Variants in RAB7B observed in about 807,000 individuals in gnomAD.
The protein encoded by RAB7B is ras-related protein Rab-7b.
chr1:205,992,865 A>G (rs1033900487), intron 3 of RAB7B, among the ~76,000 whole-genome samples, 170 bp from the exon 4 acceptor site: 1 of 151,978 alleles, frequency 6.6e-6, no homozygotes, highest in Non-Finnish European at 1.5e-5. Flanking sequence ...ACCCACATAC[A>G]CTCCAGCACC....
At chr1:205,998,527 C>T (rs1660843611) in intron 1 of RAB7B, among the ~76,000 whole-genome samples, 1 of 152,204 alleles carries the variant, frequency 6.6e-6, no homozygotes, top group Non-Finnish European at 1.5e-5. Context: ...CAGAGAAAGG[C>T]TGCCAAAGTG....
intron 1 of RAB7B, among the ~76,000 whole-genome samples, chr1:206,002,003 T>C (rs1660900173): frequency 6.6e-6 from 1 of 152,138 alleles, no homozygotes; most frequent in Non-Finnish European, 1.5e-5. Flanking sequence ...CAGGTAAGGA[T>C]TCTGAAGCAG....
chr1:205,983,147 A>G (rs1660525678), intron 5 of RAB7B, among the ~76,000 whole-genome samples: 2 of 152,122 alleles, frequency 1.3e-5, no homozygotes, highest in East Asian at 1.9e-4. Flanking sequence ...TGGCTTCATC[A>G]CTAACTATGT....
chr1:205,997,995 C>T (rs1481661015), intron 1 of RAB7B, among the ~76,000 whole-genome samples: 1 of 152,180 alleles, frequency 6.6e-6, no homozygotes, highest in Non-Finnish European at 1.5e-5. Flanking sequence ...CTCCAAGAAG[C>T]TGAGTAATCA....
At chr1:205,982,454 C>A (rs1660513023) in intron 5 of RAB7B, among the ~76,000 whole-genome samples, 1 of 152,222 alleles carries the variant, frequency 6.6e-6, no homozygotes, top group Non-Finnish European at 1.5e-5. Context: ...ATCCTCTCGG[C>A]AGCACGAAGC....
chr1:205,996,243 C>G (rs1480817277), intron 1 of RAB7B, among the ~76,000 whole-genome samples: 3 of 151,380 alleles, frequency 2.0e-5, no homozygotes, highest in African/African-American at 7.3e-5. Context: ...TTGTTTCACC[C>G]ATATATGCAC....
chr1:205,997,666 C>A (rs1218446598), intron 1 of RAB7B, among the ~76,000 whole-genome samples: 1 of 152,180 alleles, frequency 6.6e-6, no homozygotes, highest in Non-Finnish European at 1.5e-5. Context: ...GTAATGGATG[C>A]TGCTGTCCAC....
At chr1:205,983,482 C>G (rs1660531550) in intron 5 of RAB7B, among the ~76,000 whole-genome samples, 2 of 152,334 alleles carry the variant, frequency 1.3e-5, no homozygotes, top group East Asian at 3.9e-4. Context: ...TTATGGATGT[C>G]TCACTCTACT....
intron 5 of RAB7B, among the ~76,000 whole-genome samples, chr1:205,982,168 G>A (rs1037867675): frequency 6.6e-5 from 10 of 152,164 alleles, no homozygotes; most frequent in Non-Finnish European, 1.3e-4. Context: ...TCACATGGAC[G>A]TCATTATCCC....
intron 4 of RAB7B, among the ~76,000 whole-genome samples, chr1:205,991,148 T>C (rs984667904): frequency 2.9e-4 from 44 of 152,276 alleles, no homozygotes; most frequent in African/African-American, 1.0e-3. Context: ...CCTGCTTCAC[T>C]CCTGACAGGG....
intron 5 of RAB7B, among the ~76,000 whole-genome samples, chr1:205,983,226 A>G (rs1660527012): frequency 6.6e-6 from 1 of 152,184 alleles, no homozygotes; most frequent in African/African-American, 2.4e-5. Flanking sequence ...GGTGTCTCCT[A>G]TAAGCCCCAG....
At chr1:205,998,076 CTGGG>C (rs1471215732) in intron 1 of RAB7B, among the ~76,000 whole-genome samples, 2 of 152,202 alleles carry the variant, frequency 1.3e-5, no homozygotes, top group Non-Finnish European at 2.9e-5. Context: ...AGAAGGCAGG[CTGGG>C]TGCCGTGTCT....
At chr1:205,999,552 G>A (rs1660858124) in intron 1 of RAB7B, among the ~76,000 whole-genome samples, 1 of 152,100 alleles carries the variant, frequency 6.6e-6, no homozygotes, top group African/African-American at 2.4e-5. Flanking sequence ...CTTTTTGGAA[G>A]GTAATTGGAC....
intron 5 of RAB7B, chr1:205,984,246 A>C (rs975237152): frequency 3.3e-5 from 5 of 152,246 alleles, no homozygotes; most frequent in African/African-American, 1.2e-4. Context: ...GGTCGGGGGA[A>C]CCCTAAGATC....
intron 5 of RAB7B, among the ~76,000 whole-genome samples, chr1:205,979,455 T>C (rs1660446884): frequency 6.6e-6 from 1 of 152,048 alleles, no homozygotes; most frequent in Admixed American, 6.5e-5. Flanking sequence ...CTCCAGTCTC[T>C]CTTGTCCCAA....
In RAB7B at chr1:205,999,489, T is replaced by G. The variant is rs950815477; in HGVS notation, c.-17+3764A>C. 5.5e-3 allele frequency among the ~76,000 whole-genome samples: 843 copies of G among 152,348 alleles called. 8 individuals carry two copies. Among genetic ancestry groups the G allele is most frequent in the African/African-American group, 0.019 (793 of 41,582 alleles). On this transcript the variant is annotated intron_variant, in intron 1 of 5. Transcript: ENST00000617070. Reference sequence around the variant, plus strand: ...GACAACAATATTTAGGGTTGGCAAGTGTGTTAGGGAAACACTCTTATATAT... The same window carrying G: ...GACAACAATATTTAGGGTTGGCAAGGGTGTTAGGGAAACACTCTTATATAT...
At chr1:205,984,239 C>T (rs965156291) in intron 5 of RAB7B, 1 of 152,216 alleles carries the variant, frequency 6.6e-6, no homozygotes, top group Non-Finnish European at 1.5e-5. Context: ...CAGTGAGGGT[C>T]GGGGGAACCC....
At position 205,991,248 on chromosome 1, in the gene RAB7B, A is replaced by G. The variant is rs901566029; in HGVS notation, c.396+1232T>C. On this transcript the variant is annotated intron_variant, in intron 4 of 5. Transcript: ENST00000617070. Reference sequence around the variant, plus strand: ...ATTCTAAGGACCTATTCCCTCTCTTAGACCACAAGGTTCTCACCCACAGCT... The same window carrying G: ...ATTCTAAGGACCTATTCCCTCTCTTGGACCACAAGGTTCTCACCCACAGCT... 5.1e-3 allele frequency among the ~76,000 whole-genome samples: 770 copies of G among 152,336 alleles called. 9 individuals carry two copies. The highest frequency in any genetic ancestry group is 0.017 in the African/African-American group (725 of 41,568).
intron 5 of RAB7B, among the ~76,000 whole-genome samples, chr1:205,982,002 A>G: frequency 6.6e-6 from 1 of 152,314 alleles, no homozygotes; most frequent in Middle Eastern, 3.4e-3. Flanking sequence ...TTCTTTCACA[A>G]TGTTAACACC....
Sources: gnomAD v4.1 joint callset for allele counts (sites outside exome capture counted in the v4.1 genomes callset) on GRCh38, gnomAD v4.1.1 for gene constraint, MANE v1.5 for transcripts, NCBI Gene and HGNC (gene_info 2026-07-23, HGNC 2026-07-21) for gene names.